The following RABGAP1L variants were observed in gnomAD, a reference collection of about 807,000 sequenced individuals.
The protein encoded by RABGAP1L is rab GTPase-activating protein 1-like.
A neutral mutation model predicts 137.7 loss-of-function variants in RABGAP1L; 63 were observed. The ratio of observed to expected loss-of-function variants is 0.46; its 90% confidence interval spans 0.37 to 0.56. RABGAP1L has a LOEUF of 0.56. RABGAP1L is among the 20% of genes least tolerant of loss of function. The pLI is 0.00. For missense variants in RABGAP1L, 1,095 were observed against 1,244.0 expected (o/e 0.88, Z 1.80); for synonymous variants, 431 against 433.7 (o/e 0.99, Z 0.08).
At chr1:174,217,981 T>C (rs2148457987) in intron 1 of RABGAP1L, among the ~76,000 whole-genome samples, 1 of 152,168 alleles carries the variant, frequency 6.6e-6, no homozygotes, top group Non-Finnish European at 1.5e-5. Context: ...ATAACATTTC[T>C]GGGGGGATTT....
chr1:174,528,172 G>A (rs1390628879), intron 13 of RABGAP1L, among the ~76,000 whole-genome samples: 1 of 151,522 alleles, frequency 6.6e-6, no homozygotes, highest in Non-Finnish European at 1.5e-5. Flanking sequence ...ATAACATTTT[G>A]TTGCTGTCAT....
chr1:174,813,088 G>A (rs1250906888), intron 19 of RABGAP1L, among the ~76,000 whole-genome samples: 1 of 152,174 alleles, frequency 6.6e-6, no homozygotes, highest in Non-Finnish European at 1.5e-5. Flanking sequence ...GGTTTTTAGT[G>A]GAGCAATGAT....
At chr1:174,962,196 A>ACCCCC (rs146127956) in intron 20 of RABGAP1L, among the ~76,000 whole-genome samples, 5 of 77,846 alleles carry the variant, frequency 6.4e-5, no homozygotes, top group African/African-American at 3.7e-4. Context: ...ATAAAAATAC[A>ACCCCC]CCCCCCCCCC....
At chr1:174,284,935 A>G (rs951708118) in intron 10 of RABGAP1L, among the ~76,000 whole-genome samples, 1 of 151,808 alleles carries the variant, frequency 6.6e-6, no homozygotes, top group Non-Finnish European at 1.5e-5. Context: ...CATTTCAACA[A>G]TATTTTTCCA....
At chr1:174,486,124 G>A (rs1659605115) in intron 13 of RABGAP1L, among the ~76,000 whole-genome samples, 1 of 151,028 alleles carries the variant, frequency 6.6e-6, no homozygotes, top group Non-Finnish European at 1.5e-5. Flanking sequence ...TTGAAATTAT[G>A]TTTGCTCATA....
At chr1:174,372,590 G>A (rs929935334) in intron 12 of RABGAP1L, among the ~76,000 whole-genome samples, 6 of 152,000 alleles carry the variant, frequency 3.9e-5, no homozygotes, top group African/African-American at 1.2e-4. Flanking sequence ...TCTAGTTATC[G>A]TACAAAACAA....
chr1:174,343,821 C>T (rs1682195715), intron 11 of RABGAP1L, among the ~76,000 whole-genome samples: 1 of 152,090 alleles, frequency 6.6e-6, no homozygotes, highest in African/African-American at 2.4e-5. Context: ...TTTGGGCTCT[C>T]AGCACATTAT....
At chr1:174,718,081 C>T (rs189680306) in intron 17 of RABGAP1L, among the ~76,000 whole-genome samples, 279 of 152,324 alleles carry the variant, frequency 1.8e-3, no homozygotes, top group African/African-American at 6.1e-3. Flanking sequence ...CTCTGTGAAG[C>T]TTTCTTTCTC....
chr1:174,586,443 T>G (rs1483558259), intron 13 of RABGAP1L, among the ~76,000 whole-genome samples: 1 of 152,000 alleles, frequency 6.6e-6, no homozygotes, highest in East Asian at 1.9e-4. Flanking sequence ...CATGCTGAGC[T>G]TAATACCTAG....
chr1:174,908,569 GTC>G (rs1659510380), intron 19 of RABGAP1L, among the ~76,000 whole-genome samples: 1 of 127,214 alleles, frequency 7.9e-6, no homozygotes, highest in Non-Finnish European at 1.6e-5. Context: ...TTGAGAGGGA[GTC>G]TCACTTTGTT....
At chr1:174,637,587 C>T in intron 14 of RABGAP1L, 99 bp downstream of exon 14, 1 of 835,700 alleles carries the variant, frequency 1.2e-6, no homozygotes, top group South Asian at 1.5e-5. Flanking sequence ...TTCTTATTTG[C>T]ACTATGCCAT....
intron 18 of RABGAP1L, among the ~76,000 whole-genome samples, chr1:174,778,889 C>T (rs1185999214): frequency 2.0e-5 from 3 of 152,114 alleles, no homozygotes; most frequent in Non-Finnish European, 2.9e-5. Context: ...CCACTGCACC[C>T]GGCCACCTTC....
chr1:174,619,032 G>C (rs1008695805), intron 13 of RABGAP1L, among the ~76,000 whole-genome samples: 7 of 152,186 alleles, frequency 4.6e-5, no homozygotes, highest in Non-Finnish European at 8.8e-5. Context: ...CTGGAAGAAA[G>C]GGTATCAGTG....
chr1:174,990,056 A>C lies in RABGAP1L; in HGVS notation c.*55A>C. On this transcript the variant is annotated 3_prime_UTR_variant, in exon 26 of 26. Transcript: ENST00000681986. ...ATGTTCAAACCAATGGAAATCTGGG[A>C]GGATTCTTCCTGGTGTCCCTTTGAA... 1 of 1,455,254 alleles carries C rather than the reference A, an allele frequency of 6.9e-7. No individual in the cohort carries two copies. Among genetic ancestry groups the C allele is most frequent in the African/African-American group, 1.4e-5 (1 of 70,402 alleles). 90.1% of individuals were successfully genotyped at this position (1,455,254 alleles called of 1,614,324 possible). A position where few individuals can be genotyped will look rare whatever the true frequency, so the allele number is the denominator to read the frequency against.
At chr1:174,781,491 A>C (rs1687003653) in intron 18 of RABGAP1L, among the ~76,000 whole-genome samples, 1 of 152,126 alleles carries the variant, frequency 6.6e-6, no homozygotes, top group Non-Finnish European at 1.5e-5. Flanking sequence ...AGTAGATTGC[A>C]AAAATTTTCT....
At chr1:174,790,477 G>T (rs917002148) in intron 18 of RABGAP1L, among the ~76,000 whole-genome samples, 2 of 151,492 alleles carry the variant, frequency 1.3e-5, no homozygotes, top group Admixed American at 1.3e-4. Context: ...TACAAAATTA[G>T]CCAGGCATGA....
At chr1:174,412,721 G>GCTTA (rs1051344846) in intron 13 of RABGAP1L, among the ~76,000 whole-genome samples, 4 of 152,054 alleles carry the variant, frequency 2.6e-5, no homozygotes, top group African/African-American at 9.7e-5. Flanking sequence ...TGCTTATGAA[G>GCTTA]CTTAGTTTGG....
intron 1 of RABGAP1L, among the ~76,000 whole-genome samples, chr1:174,166,268 G>A (rs375086638): frequency 7.2e-5 from 11 of 151,852 alleles, no homozygotes; most frequent in Admixed American, 4.6e-4. Context: ...CTTCATTAGC[G>A]TCAAATTGGC....
intron 12 of RABGAP1L, among the ~76,000 whole-genome samples, chr1:174,375,959 C>T (rs60363188): frequency 0.57 from 87,045 of 151,528 alleles, 27,342 homozygotes; most frequent in African/African-American, 0.85. Context: ...TCTCAGCTAC[C>T]CGGGAGGCTG....
Sources: allele counts gnomAD v4.1 joint callset (sites outside exome capture counted in the v4.1 genomes callset), GRCh38; gene constraint gnomAD v4.1.1; transcripts MANE v1.5; gene names NCBI Gene and HGNC (gene_info 2026-07-23, HGNC 2026-07-21).